FUOM: variants seen among roughly 807,000 people sequenced by gnomAD.
The protein encoded by FUOM is protein fucU homolog.
FUOM carries 19 observed loss-of-function variants against 18.3 expected under a neutral mutation model. The observed-to-expected ratio is 1.04, with a 90% CI of 0.73 to 1.53. FUOM has a LOEUF of 1.53. FUOM is among the 40% of genes most tolerant of loss of function. The pLI is 0.00. For missense variants in FUOM, 210 were observed against 200.9 expected (o/e 1.04, Z -0.27); for synonymous variants, 102 against 87.9 (o/e 1.16, Z -0.90).
At chr10:133,357,510 C>T in intron 1 of FUOM, 2 of 570,062 alleles carry the variant, frequency 3.5e-6, no homozygotes, top group Non-Finnish European at 6.3e-6. Flanking sequence ...CTGTCGGGTG[C>T]TGACCAGGCC....
chr10:133,356,820 G>A, intron 3 of FUOM, 82 bp from the exon 4 acceptor site: 1 of 1,448,508 alleles, frequency 6.9e-7, no homozygotes. Context: ...CCCTGGTGAG[G>A]GTCAGGGCCC....
rs371013369 is a variant in FUOM at position 133,355,436 on chromosome 10, C to T, written c.399G>A (p.Gly133=). ...TGAGGTTTCCGTAGAGGGCCGTCTC[C>T]CTGCAGAGGAGCCAAGCCCAGCACT... The part of the protein sequence containing the change: ...AKKAFAVVAT[G]ETALYGNLIL... Residue 133 remains glycine (G), a splice_region_variant and synonymous_variant, in exon 6 of 6, where the codon GGG becomes GGA. Transcript: ENST00000278025. The T allele has an allele frequency of 8.7e-6, 14 of 1,610,028 alleles. No homozygotes were observed. The Admixed American group carries it at 1.3e-4, about 15-fold the overall frequency.
intron 1 of FUOM, 151 bp downstream of exon 1, chr10:133,357,772 G>A (rs1848857559): frequency 1.7e-6 from 1 of 576,106 alleles, no homozygotes; most frequent in Non-Finnish European, 3.0e-6. Context: ...AAAGAATGCG[G>A]GGGAGGGGGC....
At chr10:133,357,823 C>T in intron 1 of FUOM, 100 bp downstream of exon 1, 1 of 966,056 alleles carries the variant, frequency 1.0e-6, no homozygotes, top group Non-Finnish European at 1.5e-6. Flanking sequence ...AACGCCCACA[C>T]CCCAGGACGC....
chr10:133,356,952 C>CA lies in FUOM; in HGVS notation c.215dup (p.Glu73GlyfsTer46), dbSNP rs1848822779. On this transcript the variant is annotated frameshift_variant, in exon 3 of 6. Transcript: ENST00000278025. LOFTEE classifies it high-confidence loss of function. ...GCGACTCAGCCCTCACCGGACTCTC[C>CA]ACATAGGTGTCCAGGGGCAGCAGCT... 1 of 1,550,222 alleles carries CA rather than the reference C, an allele frequency of 6.5e-7. No homozygotes were observed. The highest frequency in any genetic ancestry group is 8.7e-7 in the Non-Finnish European group (1 of 1,146,976).
At chr10:133,356,602 C>G in intron 4 of FUOM, 38 bp downstream of exon 4, 1 of 1,446,220 alleles carries the variant, frequency 6.9e-7, no homozygotes, top group Non-Finnish European at 9.3e-7. Flanking sequence ...GACAGAGGGT[C>G]CCTGGCCTTT....
intron 1 of FUOM, chr10:133,357,527 C>T (rs1421327082): frequency 1.9e-6 from 1 of 527,856 alleles, no homozygotes; most frequent in South Asian, 2.2e-5. Flanking sequence ...GGCCAGGGGG[C>T]CGACCCGGAC....
rs149237884 is a variant in FUOM at position 133,356,683 on chromosome 10, A to G, written c.281T>C (p.Val94Ala). The change falls in exon 4 of 6, where the codon GTG becomes GCG. Residue 94 changes from valine to alanine, a missense_variant. Coordinates refer to ENST00000278025, the MANE Select transcript of FUOM (RefSeq NM_001098483.3). ...TAGGATGGACTCGTACTCCGTCCAC[A>G]CTGGGGTCTGCAGGCCCCTCTCCTT... ...SDKERGLQTP[V>A]WTEYESILRR... The G allele has an allele frequency of 5.8e-5, 93 of 1,601,778 alleles. No homozygotes were observed. The highest frequency in any genetic ancestry group is 5.0e-5 in the Non-Finnish European group (59 of 1,173,406).
downstream of FUOM, chr10:133,355,139 C>T (rs564668566): frequency 5.4e-5 from 32 of 587,626 alleles, no homozygotes; most frequent in East Asian, 6.8e-4. Context: ...AACAAGCCTG[C>T]GTGAGAACAG....
chr10:133,354,360 C>G (rs1848729836), downstream of FUOM, among the ~76,000 whole-genome samples: 1 of 152,190 alleles, frequency 6.6e-6, no homozygotes, highest in Admixed American at 6.5e-5. Context: ...GATTTGGAGC[C>G]ACATCTCAGC....
At position 133,357,104 on chromosome 10, in the gene FUOM, C is replaced by A. The variant is rs1848830070; in HGVS notation, c.154+83G>T. 4 of 1,539,904 alleles carry A rather than the reference C, an allele frequency of 2.6e-6. No individual in the cohort carries two copies. In the Admixed American group the frequency reaches 7.9e-5, roughly 30 times the overall value. Reference sequence around the variant, plus strand: ...CACACTGCAAGCATGGACTTGGGGCCACGGCAGGCCACAGAGGAGCCTCAG... The same window carrying A: ...CACACTGCAAGCATGGACTTGGGGCAACGGCAGGCCACAGAGGAGCCTCAG... On this transcript the variant is annotated intron_variant, in intron 2 of 5. Transcript: ENST00000278025.
chr10:133,357,785 C>T (rs1344363403), intron 1 of FUOM, 138 bp downstream of exon 1: 2 of 610,682 alleles, frequency 3.3e-6, no homozygotes, highest in Non-Finnish European at 5.4e-6. Flanking sequence ...GAGGGGGCTT[C>T]CTGCCCGGAA....
At chr10:133,357,893 C>T in intron 1 of FUOM, 30 bp downstream of exon 1, 1 of 1,505,462 alleles carries the variant, frequency 6.6e-7, no homozygotes, top group Non-Finnish European at 8.9e-7. Flanking sequence ...TCCCGGGGTG[C>T]TCCCCGAGGC....
rs1285211617 is a variant in FUOM, at chr10:133,355,257, C to A, written c.*113G>T. ...CCCCAAGACTGCCGGCCCCTAGAGC[C>A]CTGGCCAGGGCCCAGGTCTGGGAGC... On this transcript the variant is annotated 3_prime_UTR_variant, in exon 6 of 6. Transcript: ENST00000278025. 10 of 1,263,784 alleles carry A rather than the reference C, an allele frequency of 7.9e-6. No individual in the cohort carries two copies. Among genetic ancestry groups the A allele is most frequent in the Non-Finnish European group, 1.1e-5 (10 of 931,546 alleles). The allele number at this position is 1,263,784 out of a possible 1,614,324, so 78.3% of individuals were successfully genotyped here.
rs201940330 is a variant in FUOM at position 133,355,399 on chromosome 10, C to A, written c.436G>T (p.Gly146Trp). 1.2e-6 allele frequency: 2 copies of A among 1,608,946 alleles called. No homozygotes were observed. The highest frequency in any genetic ancestry group is 2.7e-5 in the African/African-American group (2 of 74,836). Residue 146 changes from glycine (G) to tryptophan (W), a missense_variant, in exon 6 of 6, where the codon GGG (glycine) becomes TGG (tryptophan). Physicochemically the swap from Gly to Trp is radical, Grantham distance 184. Coordinates refer to ENST00000278025, the MANE Select transcript of FUOM (RefSeq NM_001098483.3). The stretch of plus-strand genomic sequence containing the variant: ...AGCAGGGGGTTGAGGGCAAGCACCC[C>A]CTTCCTGAGGATGAGGTTTCCGTAG... ...ALYGNLILRKGVLALNPLL is the reference protein window; with the variant it reads ...ALYGNLILRKWVLALNPLL
At chr10:133,355,476 G>A (rs776378024) in intron 5 of FUOM, 40 bp from the exon 6 acceptor site, 6 of 1,607,624 alleles carry the variant, frequency 3.7e-6, no homozygotes, top group Non-Finnish European at 5.1e-6. Context: ...TGGGCTGCAG[G>A]GCCAGGGTGC....
chr10:133,357,951 C>G lies in FUOM; in HGVS notation c.57G>C (p.Leu19=). 3 of 1,526,516 alleles carry G rather than the reference C, an allele frequency of 2.0e-6. No homozygotes were observed. In the South Asian group the frequency reaches 3.6e-5, roughly 18 times the overall value. 94.6% of individuals were successfully genotyped at this position (1,526,516 alleles called of 1,614,324 possible). The change falls in exon 1 of 6, where the codon CTG becomes CTC. Residue 19 remains leucine (L), a synonymous_variant. Transcript: ENST00000278025. ...ALLSPELLYA[L]ARMGHGDEIV... is the part of the protein sequence containing the mutation. ...TCTCGTCCCCGTGCCCCATCCGCGC[C>G]AGCGCGTAGAGCAGCTCGGGGGACA...
chr10:133,353,350 C>T (rs988128947), downstream of FUOM, among the ~76,000 whole-genome samples: 4 of 152,234 alleles, frequency 2.6e-5, no homozygotes, highest in Non-Finnish European at 5.9e-5. Context: ...GCTGGAGTCA[C>T]TCACACACCG....
chr10:133,357,029 G>A lies in FUOM; in HGVS notation c.155-16C>T, dbSNP rs915851648. 1.3e-6 allele frequency: 2 copies of A among 1,549,458 alleles called. No individual in the cohort carries two copies. Among genetic ancestry groups the A allele is most frequent in the Non-Finnish European group, 1.7e-6 (2 of 1,146,698 alleles). On this transcript the variant is annotated splice_polypyrimidine_tract_variant and intron_variant, in intron 2 of 5. Transcript: ENST00000278025. ...ATGCCCAGGCCTGGAGGGCAGAGGA[G>A]GCAGCACTCAGTCTCCAGCCCGCCC...
Sources: allele counts gnomAD v4.1 joint callset (sites outside exome capture counted in the v4.1 genomes callset), GRCh38; gene constraint gnomAD v4.1.1; transcripts MANE v1.5; gene names NCBI Gene and HGNC (gene_info 2026-07-23, HGNC 2026-07-21).